NCAM2: variants seen among roughly 807,000 people sequenced by gnomAD.
NCAM2 encodes the protein N-CAM-2.
A neutral mutation model predicts 98.1 loss-of-function variants in NCAM2; 30 were observed. That is an observed-to-expected ratio of 0.31 (90% CI 0.23 to 0.41). The LOEUF is 0.41. Among genes scored for constraint, NCAM2 ranks in the 10% least tolerant of loss-of-function variants. NCAM2 has a pLI of 1.00. For missense variants in NCAM2, 867 were observed against 1,005.8 expected, an observed-to-expected ratio of 0.86 and a Z score of 1.87; for synonymous variants, 368 against 342.4, an observed-to-expected ratio of 1.07 and a Z score of -0.83.
chr21:21,412,169 A>T (rs932973391), intron 10 of NCAM2, among the ~76,000 whole-genome samples: 1 of 152,172 alleles, frequency 6.6e-6, no homozygotes, highest in African/African-American at 2.4e-5. Context: ...GTTGCTTTCT[A>T]TAGAGGACTC....
intron 1 of NCAM2, among the ~76,000 whole-genome samples, chr21:21,025,286 C>T (rs1346018903): frequency 1.3e-5 from 2 of 152,054 alleles, no homozygotes; most frequent in African/African-American, 2.4e-5. Context: ...GGGGTTTCAC[C>T]GTGTTAGCCA....
At chr21:21,022,133 G>C (rs1218339342) in intron 1 of NCAM2, among the ~76,000 whole-genome samples, 1 of 151,982 alleles carries the variant, frequency 6.6e-6, no homozygotes, top group East Asian at 1.9e-4. Flanking sequence ...AGACTTTAAA[G>C]ATAAGCGTGC....
intron 1 of NCAM2, among the ~76,000 whole-genome samples, chr21:21,245,849 T>A (rs969958070): frequency 3.0e-4 from 1 of 3,326 alleles, no homozygotes; most frequent in Admixed American, 5.6e-3. Context: ...GTGAGAGAGA[T>A]AAGGAAGATG....
intron 1 of NCAM2, among the ~76,000 whole-genome samples, chr21:21,114,678 C>A (rs2066517761): frequency 6.6e-6 from 1 of 152,160 alleles, no homozygotes; most frequent in Non-Finnish European, 1.5e-5. Context: ...TGATCAGTAT[C>A]TTTTTGGGGC....
intron 1 of NCAM2, among the ~76,000 whole-genome samples, chr21:21,036,359 A>G (rs8130806): frequency 6.6e-6 from 1 of 152,102 alleles, no homozygotes; most frequent in Non-Finnish European, 1.5e-5. Flanking sequence ...TTTCTCTCCC[A>G]TCATTTACCT....
At chr21:21,302,864 T>C (rs958453312) in intron 5 of NCAM2, among the ~76,000 whole-genome samples, 2 of 152,112 alleles carry the variant, frequency 1.3e-5, no homozygotes, top group Non-Finnish European at 2.9e-5. Flanking sequence ...TTCCCATCAA[T>C]ATTGGATTGG....
intron 12 of NCAM2, among the ~76,000 whole-genome samples, chr21:21,444,006 T>C (rs28587992): frequency 0.21 from 31,612 of 152,090 alleles, 3,481 homozygotes; most frequent in African/African-American, 0.28. Context: ...TTTTTTGAGA[T>C]GTGTTCCATC....
chr21:21,327,795 G>A lies in NCAM2; in HGVS notation c.737+3295G>A, dbSNP rs980014322. 4.6e-5 allele frequency among the ~76,000 whole-genome samples: 7 copies of A among 152,204 alleles called. No individual in the cohort carries two copies. The South Asian group carries it at 1.2e-3, about 27-fold the overall frequency. The stretch of plus-strand genomic sequence containing the variant: ...TAGGACACCAACATGTGAATTTGAG[G>A]GTTGGGAAAACCCAATTTAGTTCAT... On this transcript the variant is annotated intron_variant, in intron 6 of 17. Coordinates refer to ENST00000400546, the MANE Select transcript of NCAM2 (RefSeq NM_004540.5).
chr21:21,459,327 A>G (rs982202550), intron 12 of NCAM2, among the ~76,000 whole-genome samples: 1 of 151,894 alleles, frequency 6.6e-6, no homozygotes, highest in African/African-American at 2.4e-5. Context: ...GTGTACGTCT[A>G]TGTTCTTTGT....
At chr21:21,479,064 A>T (rs1452347597) in intron 15 of NCAM2, among the ~76,000 whole-genome samples, 2 of 152,160 alleles carry the variant, frequency 1.3e-5, no homozygotes, top group Non-Finnish European at 2.9e-5. Context: ...GCCTCCTCCA[A>T]AGGAAAATTG....
intron 12 of NCAM2, among the ~76,000 whole-genome samples, chr21:21,461,553 T>C (rs749710586): frequency 1.7e-4 from 26 of 152,022 alleles, no homozygotes; most frequent in Non-Finnish European, 3.1e-4. Flanking sequence ...AAATGACACA[T>C]CATTATTAGA....
intron 1 of NCAM2, among the ~76,000 whole-genome samples, chr21:21,247,171 TA>T (rs113060314): frequency 0.018 from 2,716 of 152,066 alleles, 93 homozygotes; most frequent in African/African-American, 0.063. Context: ...TACAAAAATT[TA>T]GCCTGGCGTG....
chr21:21,514,580 T>C (rs1988604501), intron 16 of NCAM2, among the ~76,000 whole-genome samples: 1 of 152,152 alleles, frequency 6.6e-6, no homozygotes, highest in African/African-American at 2.4e-5. Context: ...TTTAAATATT[T>C]GCCTATCCTG....
chr21:21,381,762 G>A (rs2076158404), intron 9 of NCAM2, among the ~76,000 whole-genome samples: 1 of 151,924 alleles, frequency 6.6e-6, no homozygotes, highest in Non-Finnish European at 1.5e-5. Flanking sequence ...ATATTTTAAA[G>A]AACTAAAAAA....
At chr21:21,045,259 C>T (rs945911510) in intron 1 of NCAM2, among the ~76,000 whole-genome samples, 23 of 152,280 alleles carry the variant, frequency 1.5e-4, no homozygotes, top group African/African-American at 5.3e-4. Context: ...AAGTGAAACA[C>T]AGACAAGGCA....
At chr21:21,184,418 G>T (rs962913833) in intron 1 of NCAM2, among the ~76,000 whole-genome samples, 1 of 152,066 alleles carries the variant, frequency 6.6e-6, no homozygotes, top group African/African-American at 2.4e-5. Flanking sequence ...TTTAAAGGCT[G>T]GTAGCATCAT....
At chr21:21,147,897 A>G (rs2067333500) in intron 1 of NCAM2, among the ~76,000 whole-genome samples, 2 of 151,426 alleles carry the variant, frequency 1.3e-5, no homozygotes, top group Admixed American at 6.6e-5. Flanking sequence ...TATATAGGAT[A>G]ATAATAGGAT....
chr21:21,050,552 T>A (rs1417078244), intron 1 of NCAM2, among the ~76,000 whole-genome samples: 1 of 152,208 alleles, frequency 6.6e-6, no homozygotes, highest in Non-Finnish European at 1.5e-5. Flanking sequence ...CAGTTTTAGA[T>A]GTGTATCATT....
chr21:21,088,759 G>C (rs910301870), intron 1 of NCAM2, among the ~76,000 whole-genome samples: 1 of 152,068 alleles, frequency 6.6e-6, no homozygotes, highest in African/African-American at 2.4e-5. Flanking sequence ...TTGGGAGGCC[G>C]AGGCAGGCGG....
Sources: gnomAD v4.1 joint callset for allele counts (sites outside exome capture counted in the v4.1 genomes callset) on GRCh38, gnomAD v4.1.1 for gene constraint, MANE v1.5 for transcripts, NCBI Gene and HGNC (gene_info 2026-07-23, HGNC 2026-07-21) for gene names.